The following GSG1L variants were observed in gnomAD, a reference collection of about 807,000 sequenced individuals.
GSG1L encodes GSG1 like, also known as germ cell-specific gene 1-like protein.
Under a neutral mutation model 42.1 loss-of-function variants are expected in GSG1L, and 24 were observed. The ratio of observed to expected loss-of-function variants is 0.57; its 90% CI spans 0.41 to 0.80. The LOEUF (loss-of-function observed/expected upper bound fraction) is 0.80, where lower values mean the gene tolerates loss of function less well. GSG1L is among the 30% of genes least tolerant of loss of function. The pLI is 0.00. For synonymous variants in GSG1L, 215 were observed against 203.5 expected (o/e 1.06, Z -0.48); for missense variants, 445 against 472.2 (o/e 0.94, Z 0.53).
chr16:27,883,118 CAAA>C (rs1282858322), intron 3 of GSG1L, among the ~76,000 whole-genome samples: 2 of 70,172 alleles, frequency 2.9e-5, no homozygotes, highest in African/African-American at 4.3e-5. Flanking sequence ...GACCCAATCT[CAAA>C]AAAAAAAAAA....
intron 3 of GSG1L, among the ~76,000 whole-genome samples, chr16:27,856,409 G>T (rs1358742381): frequency 6.6e-6 from 1 of 152,158 alleles, no homozygotes; most frequent in Admixed American, 6.5e-5. Flanking sequence ...CAACTCCTGG[G>T]CTCAAGCGAG....
intron 4 of GSG1L, among the ~76,000 whole-genome samples, chr16:27,836,095 A>T (rs1448587778): frequency 6.6e-6 from 1 of 152,088 alleles, no homozygotes; most frequent in African/African-American, 2.4e-5. Flanking sequence ...TTTCTAAAGT[A>T]TATTTTTGCC....
At chr16:27,895,679 A>G (rs1440114018) in intron 2 of GSG1L, among the ~76,000 whole-genome samples, 3 of 152,246 alleles carry the variant, frequency 2.0e-5, no homozygotes, top group African/African-American at 7.2e-5. Flanking sequence ...TCTCTTGTCC[A>G]GCCAGCCCCA....
intron 3 of GSG1L, among the ~76,000 whole-genome samples, chr16:27,856,199 A>T (rs1265591179): frequency 2.6e-5 from 4 of 152,052 alleles, no homozygotes; most frequent in African/African-American, 7.2e-5. Context: ...AAAACCAGAA[A>T]ATGTTTCCAA....
intron 5 of GSG1L, among the ~76,000 whole-genome samples, chr16:27,827,882 CCA>C (rs1333727403): frequency 1.2e-4 from 17 of 144,890 alleles, no homozygotes; most frequent in Middle Eastern, 3.3e-3. Flanking sequence ...ATCCATCCAT[CCA>C]TCCATCCATC....
chr16:28,013,884 A>G (rs1353085819), intron 1 of GSG1L, among the ~76,000 whole-genome samples: 1 of 152,200 alleles, frequency 6.6e-6, no homozygotes, highest in East Asian at 1.9e-4. Flanking sequence ...TGAAGACATC[A>G]GGCATCTCCT....
intron 3 of GSG1L, among the ~76,000 whole-genome samples, chr16:27,855,590 G>T (rs533864467): frequency 6.6e-6 from 1 of 151,738 alleles, no homozygotes; most frequent in African/African-American, 2.4e-5. Context: ...TGTGGTAGCC[G>T]GTGCCTGTAA....
At chr16:27,984,831 T>A (rs998435356) in intron 1 of GSG1L, among the ~76,000 whole-genome samples, 2 of 152,100 alleles carry the variant, frequency 1.3e-5, no homozygotes, top group Non-Finnish European at 2.9e-5. Context: ...AATCATGGCT[T>A]ACTGCAGCCT....
chr16:28,047,084 C>T (rs933273858), intron 1 of GSG1L, among the ~76,000 whole-genome samples: 2 of 152,108 alleles, frequency 1.3e-5, no homozygotes, highest in East Asian at 1.9e-4. Context: ...TCATATCTTG[C>T]GTTCAAAGCC....
intron 2 of GSG1L, among the ~76,000 whole-genome samples, chr16:27,961,859 G>A (rs1178584766): frequency 1.3e-5 from 2 of 152,092 alleles, no homozygotes; most frequent in African/African-American, 4.8e-5. Context: ...CGCTTTCTGG[G>A]AACTGAGGGC....
intron 2 of GSG1L, among the ~76,000 whole-genome samples, chr16:27,910,716 A>G (rs2141051847): frequency 6.6e-6 from 1 of 152,318 alleles, no homozygotes; most frequent in South Asian, 2.1e-4. Context: ...CAGTCTACCC[A>G]AGAACTCCAG....
chr16:27,941,837 A>G (rs1238104502), intron 2 of GSG1L, among the ~76,000 whole-genome samples: 1 of 152,140 alleles, frequency 6.6e-6, no homozygotes, highest in East Asian at 1.9e-4. Flanking sequence ...ATTATGTTTC[A>G]TGAAATAAAC....
chr16:27,981,432 A>G (rs2085325549), intron 1 of GSG1L, among the ~76,000 whole-genome samples: 1 of 152,144 alleles, frequency 6.6e-6, no homozygotes, highest in African/African-American at 2.4e-5. Flanking sequence ...AGCTGGGGGA[A>G]AAAAATGCCA....
chr16:27,881,802 C>A (rs548534639), intron 3 of GSG1L, among the ~76,000 whole-genome samples: 2 of 152,162 alleles, frequency 1.3e-5, no homozygotes, highest in South Asian at 4.2e-4. Context: ...CCCTAACCAC[C>A]CACTCCCACC....
intron 2 of GSG1L, among the ~76,000 whole-genome samples, chr16:27,887,385 G>A (rs1007690200): frequency 1.3e-5 from 2 of 152,226 alleles, no homozygotes; most frequent in Non-Finnish European, 2.9e-5. Flanking sequence ...AAGAGATGGA[G>A]GAAGATTGCG....
At chr16:28,042,161 C>T (rs533263186) in intron 1 of GSG1L, among the ~76,000 whole-genome samples, 1 of 152,178 alleles carries the variant, frequency 6.6e-6, no homozygotes, top group African/African-American at 2.4e-5. Flanking sequence ...ATGGGCTGGG[C>T]GCAGTGGTTC....
At chr16:27,855,299 G>A (rs1248145790) in intron 3 of GSG1L, among the ~76,000 whole-genome samples, 1 of 152,190 alleles carries the variant, frequency 6.6e-6, no homozygotes, top group African/African-American at 2.4e-5. Flanking sequence ...AAGAGGTTAA[G>A]GGCTCAGCGA....
At position 27,998,285 on chromosome 16, in the gene GSG1L, A is replaced by C. The variant is rs1216981481; in HGVS notation, c.350-35082T>G. 3.3e-5 allele frequency: 5 copies of C among 152,266 alleles called. No homozygotes were observed. The East Asian group carries it at 9.6e-4, about 29-fold the overall frequency. 9.4% of individuals were successfully genotyped at this position (152,266 alleles called of 1,614,324 possible). A position where few individuals can be genotyped will look rare whatever the true frequency, so the allele number is the denominator to read the frequency against. On this transcript the variant is annotated intron_variant, in intron 1 of 6. Coordinates refer to ENST00000447459, the MANE Select transcript of GSG1L (RefSeq NM_001109763.2). Reference sequence around the variant, plus strand: ...TTTCTATTCCAGAGTTACTTCACTTAGAATAATGGAAAAATATGGGATGCT... The same window carrying C: ...TTTCTATTCCAGAGTTACTTCACTTCGAATAATGGAAAAATATGGGATGCT...
At chr16:27,848,284 GAC>G (rs2083465800) in intron 3 of GSG1L, among the ~76,000 whole-genome samples, 1 of 152,154 alleles carries the variant, frequency 6.6e-6, no homozygotes. Context: ...CCCAGTACCT[GAC>G]ACACAGTAGG....
Sources: gnomAD v4.1 joint callset for allele counts (sites outside exome capture counted in the v4.1 genomes callset) on GRCh38, gnomAD v4.1.1 for gene constraint, MANE v1.5 for transcripts, NCBI Gene and HGNC (gene_info 2026-07-23, HGNC 2026-07-21) for gene names.